The following VIPR2 variants were observed in gnomAD, a reference collection of about 807,000 sequenced individuals.
VIPR2 encodes the protein vasoactive intestinal polypeptide receptor 2.
Under a neutral mutation model 58.0 loss-of-function variants are expected in VIPR2, and 48 were observed. The ratio of observed to expected loss-of-function variants is 0.83; its 90% CI spans 0.66 to 1.05. VIPR2 has a LOEUF of 1.05. VIPR2 is among the 50% of genes least tolerant of loss of function. The pLI, the probability that VIPR2 is intolerant of heterozygous loss-of-function variation, is 0.00. For synonymous variants in VIPR2, 243 were observed against 235.2 expected, an observed-to-expected ratio of 1.03 and a Z score of -0.30; for missense variants, 534 against 558.0, an observed-to-expected ratio of 0.96 and a Z score of 0.43.
intron 2 of VIPR2, among the ~76,000 whole-genome samples, chr7:159,131,198 G>T (rs1796900378): frequency 6.6e-6 from 1 of 152,178 alleles, no homozygotes; most frequent in Non-Finnish European, 1.5e-5. Flanking sequence ...CCAGAGAAGA[G>T]AAAATGCTGA....
chr7:159,034,349 T>C (rs2129492864), intron 9 of VIPR2, 45 bp from the exon 10 acceptor site: 1 of 1,591,804 alleles, frequency 6.3e-7, no homozygotes, highest in East Asian at 2.3e-5. Flanking sequence ...CGTGGATCCC[T>C]AATTTGCCCT....
In VIPR2 at chr7:159,029,678, G is replaced by A. The variant is rs1853425293; in HGVS notation, c.*938C>T. 2 of 152,262 alleles carry A rather than the reference G, an allele frequency of 1.3e-5. No homozygotes were observed. Among genetic ancestry groups the A allele is most frequent in the African/African-American group, 4.8e-5 (2 of 41,462 alleles). 9.4% of individuals were successfully genotyped at this position (152,262 alleles called of 1,614,324 possible). ...GGGCGGCAGGTGACCTCCTGAGGCA[G>A]AGCCAGAGCTGCTGAGGGTCCCACG... On this transcript the variant is annotated 3_prime_UTR_variant, in exon 13 of 13. Coordinates refer to ENST00000262178, the MANE Select transcript of VIPR2 (RefSeq NM_003382.5).
intron 4 of VIPR2, among the ~76,000 whole-genome samples, chr7:159,064,247 GC>G (rs1323859654): frequency 1.3e-5 from 2 of 152,064 alleles, no homozygotes; most frequent in Non-Finnish European, 2.9e-5. Flanking sequence ...TTTCACGGGA[GC>G]CCCGGTCCCC....
At chr7:159,039,580 G>A (rs1437135534) in intron 6 of VIPR2, among the ~76,000 whole-genome samples, 8 of 152,256 alleles carry the variant, frequency 5.3e-5, no homozygotes, top group African/African-American at 1.2e-4. Flanking sequence ...AGCCCCACCC[G>A]CTGTGGGAGG....
chr7:159,124,775 T>C (rs1796594467), intron 2 of VIPR2, among the ~76,000 whole-genome samples: 1 of 152,244 alleles, frequency 6.6e-6, no homozygotes, highest in Non-Finnish European at 1.5e-5. Context: ...GAGCAGGGGA[T>C]GTTTTTCCAT....
intron 4 of VIPR2, among the ~76,000 whole-genome samples, chr7:159,068,007 T>A (rs374666755): frequency 1.3e-5 from 2 of 152,214 alleles, no homozygotes; most frequent in South Asian, 2.1e-4. Context: ...AGGCTGCGGC[T>A]CCTGCATGCT....
rs1189788271 is a variant in VIPR2 at position 159,093,312 on chromosome 7, C to T, written c.357+10445G>A. Among the ~76,000 whole-genome samples, 1 of 152,196 alleles carries T rather than the reference C, an allele frequency of 6.6e-6. No individual in the cohort carries two copies. The highest frequency in any genetic ancestry group is 1.5e-5 in the Non-Finnish European group (1 of 68,036). ...ACAGGAGGCTGGTCTCGTCCATCTT[C>T]TCAGAGGTCATCCTTCAGGGAAATG... On this transcript the variant is annotated intron_variant, in intron 4 of 12. Coordinates refer to ENST00000262178, the MANE Select transcript of VIPR2 (RefSeq NM_003382.5). This position sits in a 1 kb window ranked among gnomAD's most constrained non-coding sequence, Gnocchi z 6.7.
chr7:159,087,552 G>A (rs1488999098), intron 4 of VIPR2, among the ~76,000 whole-genome samples: 1 of 121,492 alleles, frequency 8.2e-6, no homozygotes. Flanking sequence ...CCCAGGACTC[G>A]GATAGTGAGA....
intron 4 of VIPR2, among the ~76,000 whole-genome samples, chr7:159,080,914 T>C (rs1394006554): frequency 6.6e-6 from 1 of 152,114 alleles, no homozygotes; most frequent in Non-Finnish European, 1.5e-5. Flanking sequence ...TTACAAGGGA[T>C]GTGAAGGACC....
At chr7:159,106,250 ACAAACTAAGT>A (rs1431561081) in intron 3 of VIPR2, among the ~76,000 whole-genome samples, 1 of 152,266 alleles carries the variant, frequency 6.6e-6, no homozygotes, top group Non-Finnish European at 1.5e-5. Flanking sequence ...ATAAAACTCC[ACAAACTAAGT>A]CAGAAAGTCA....
chr7:159,080,911 G>T (rs1311951303), intron 4 of VIPR2, among the ~76,000 whole-genome samples: 7 of 152,014 alleles, frequency 4.6e-5, no homozygotes, highest in Admixed American at 1.3e-4. Context: ...AACTTACAAG[G>T]GATGTGAAGG....
At position 159,035,935 on chromosome 7, in the gene VIPR2, T is replaced by A; in HGVS notation, c.809+17A>T. 2.5e-6 allele frequency: 4 copies of A among 1,607,530 alleles called. No homozygotes were observed. The South Asian group carries it at 4.4e-5, about 18-fold the overall frequency. On this transcript the variant is annotated intron_variant, in intron 8 of 12. Transcript: ENST00000262178. ...GCCGGGCCCGTTTTCGAGGTTGCAG[T>A]CTGGTCATGGACTCACCCGGTGTCT...
At chr7:159,062,664 GCAGCAGCAA>G (rs1855766762) in intron 4 of VIPR2, among the ~76,000 whole-genome samples, 1 of 151,388 alleles carries the variant, frequency 6.6e-6, no homozygotes, top group Admixed American at 6.6e-5. Context: ...CAAAGAACAA[GCAGCAGCAA>G]GATTTACTGC....
At chr7:159,043,947 G>A (rs1166251333) in intron 5 of VIPR2, among the ~76,000 whole-genome samples, 2 of 152,192 alleles carry the variant, frequency 1.3e-5, no homozygotes, top group East Asian at 1.9e-4. Flanking sequence ...GCTTCAAGAA[G>A]CTCTCACATG....
At chr7:159,039,923 G>A (rs766106046) in intron 6 of VIPR2, among the ~76,000 whole-genome samples, 2 of 152,210 alleles carry the variant, frequency 1.3e-5, no homozygotes, top group Non-Finnish European at 2.9e-5. Flanking sequence ...TGGGCTACGC[G>A]GAGAACACCA....
At chr7:159,048,764 A>G (rs1036859470) in intron 5 of VIPR2, among the ~76,000 whole-genome samples, 1 of 152,158 alleles carries the variant, frequency 6.6e-6, no homozygotes, top group Non-Finnish European at 1.5e-5. Flanking sequence ...GCTGATCTCA[A>G]CAGCTATTGG....
intron 2 of VIPR2, among the ~76,000 whole-genome samples, chr7:159,121,316 C>T (rs1036711497): frequency 6.6e-6 from 1 of 152,144 alleles, no homozygotes; most frequent in African/African-American, 2.4e-5. Flanking sequence ...GCGAGGTTTT[C>T]CTTCCAGTCC....
At chr7:159,110,048 T>C (rs558856397) in intron 2 of VIPR2, 129 bp from the exon 3 acceptor site, 40 of 811,620 alleles carry the variant, frequency 4.9e-5, no homozygotes, top group Non-Finnish European at 6.1e-5. Context: ...ACACAATTAT[T>C]GAGACTATAG....
chr7:159,043,336 A>G (rs1009603619), intron 5 of VIPR2, among the ~76,000 whole-genome samples, 160 bp from the exon 6 acceptor site: 2 of 152,196 alleles, frequency 1.3e-5, no homozygotes, highest in African/African-American at 4.8e-5. Flanking sequence ...GGCAACTGCA[A>G]TTTGCTGTGG....
Sources: gnomAD v4.1 joint callset for allele counts (sites outside exome capture counted in the v4.1 genomes callset) on GRCh38, gnomAD v4.1.1 for gene constraint, Gnocchi (gnomAD v3.1) non-coding constraint, MANE v1.5 for transcripts, NCBI Gene and HGNC (gene_info 2026-07-23, HGNC 2026-07-21) for gene names.